Variants in OPRK1 observed in about 807,000 individuals in gnomAD.
OPRK1 encodes opioid receptor kappa 1.
Under a neutral mutation model 24.5 loss-of-function variants are expected in OPRK1, and 15 were observed. The ratio of observed to expected loss-of-function variants is 0.61; its 90% CI spans 0.41 to 0.94. OPRK1 has a LOEUF of 0.94. Among genes scored for constraint, OPRK1 ranks in the 40% least tolerant of loss-of-function variants. OPRK1 has a pLI of 0.00. For synonymous variants in OPRK1, 205 were observed against 198.0 expected, an observed-to-expected ratio of 1.04 and a Z score of -0.30; for missense variants, 479 against 507.3, an observed-to-expected ratio of 0.94 and a Z score of 0.54.
chr8:53,243,726 G>GA (rs1401583262), intron 2 of OPRK1, among the ~76,000 whole-genome samples: 1 of 152,192 alleles, frequency 6.6e-6, no homozygotes, highest in African/African-American at 2.4e-5. Flanking sequence ...ATAGTCTCTT[G>GA]AAAATAATTT....
intron 2 of OPRK1, among the ~76,000 whole-genome samples, chr8:53,240,366 T>C (rs1338710630): frequency 6.6e-6 from 1 of 152,142 alleles, no homozygotes; most frequent in African/African-American, 2.4e-5. Flanking sequence ...TAAAGGTCCA[T>C]AGAATGCACC....
Position 53,226,979 on chromosome 8 carries a change from C to T in OPRK1, c.*2318G>A, listed in dbSNP as rs1806708732. On this transcript the variant is annotated 3_prime_UTR_variant, in exon 4 of 4. Transcript: ENST00000265572. Reference sequence around the variant, plus strand: ...AAGTGCTAACTTAAAGGAAACAGGCCAGGCGTGGCCATTCACATCTGTAAT... The same window carrying T: ...AAGTGCTAACTTAAAGGAAACAGGCTAGGCGTGGCCATTCACATCTGTAAT... 6.6e-6 allele frequency: 1 copy of T among 152,182 alleles called. No homozygotes were observed. The allele number at this position is 152,182 out of a possible 1,614,324, so 9.4% of individuals were successfully genotyped here. A position where few individuals can be genotyped will look rare whatever the true frequency, so the allele number is the denominator to read the frequency against.
intron 3 of OPRK1, among the ~76,000 whole-genome samples, chr8:53,232,739 C>T (rs1806886297): frequency 6.6e-6 from 1 of 152,114 alleles, no homozygotes; most frequent in Admixed American, 6.5e-5. Flanking sequence ...TCATGGTTGT[C>T]ATAATTATAG....
At chr8:53,241,069 G>T (rs2128809465) in intron 2 of OPRK1, among the ~76,000 whole-genome samples, 1 of 152,304 alleles carries the variant, frequency 6.6e-6, no homozygotes, top group Non-Finnish European at 1.5e-5. Context: ...AGGCTCATCA[G>T]TCCCACAAAT....
intron 2 of OPRK1, among the ~76,000 whole-genome samples, chr8:53,241,943 T>G (rs944993868): frequency 7.2e-5 from 11 of 152,198 alleles, no homozygotes; most frequent in Non-Finnish European, 1.6e-4. Context: ...TGTGGAATCA[T>G]GCGCCTCTGG....
intron 3 of OPRK1, 71 bp from the exon 4 acceptor site, chr8:53,229,900 A>G: frequency 7.1e-7 from 1 of 1,400,310 alleles, no homozygotes; most frequent in Non-Finnish European, 9.6e-7. Context: ...AAAGTGTTTT[A>G]AATATGAATT....
At chr8:53,245,531 G>C (rs775270648) in intron 2 of OPRK1, among the ~76,000 whole-genome samples, 16 of 152,198 alleles carry the variant, frequency 1.1e-4, no homozygotes, top group Non-Finnish European at 2.2e-4. Context: ...GGAGGCTCTA[G>C]AAACCTGAGG....
chr8:53,251,188 G>T, intron 1 of OPRK1, 103 bp from the exon 2 acceptor site: 3 of 1,282,758 alleles, frequency 2.3e-6, no homozygotes, highest in South Asian at 1.7e-5. Flanking sequence ...CACCCGGGCC[G>T]CAAGTCGCCG....
chr8:53,228,830 GAACCCTGGAAA>G lies in OPRK1; in HGVS notation c.*456_*466del. The stretch of plus-strand genomic sequence containing the variant: ...ACACAGCATACAGTGAGCTGGGCAT[GAACCCTGGAAA>G]TAGTTCCCATTCCGTTGGAGGTTGT... On this transcript the variant is annotated 3_prime_UTR_variant, in exon 4 of 4. Coordinates refer to ENST00000265572, the MANE Select transcript of OPRK1 (RefSeq NM_000912.5). 2 of 159,930 alleles carry G rather than the reference GAACCCTGGAAA, an allele frequency of 1.3e-5. No individual in the cohort carries two copies. Among genetic ancestry groups the G allele is most frequent in the Admixed American group, 5.9e-5 (1 of 16,810 alleles). 9.9% of individuals were successfully genotyped at this position (159,930 alleles called of 1,614,324 possible).
intron 2 of OPRK1, among the ~76,000 whole-genome samples, chr8:53,240,490 G>A (rs1807089514): frequency 6.6e-6 from 1 of 152,166 alleles, no homozygotes; most frequent in Non-Finnish European, 1.5e-5. Context: ...AGAGGCCCAA[G>A]ACACCAAACT....
chr8:53,234,759 C>G lies in OPRK1; in HGVS notation c.610G>C (p.Asp204His), dbSNP rs200377155. The stretch of plus-strand genomic sequence containing the variant: ...AACAGAATGAAATGACTGCTCTTAC[C>G]TTCCCTGACTTTGGTGCCTCCAAGG... ...IVLGGTKVREDVDVIECSLQF... is the reference protein window; with the variant it reads ...IVLGGTKVREHVDVIECSLQF... Residue 204 changes from aspartate to histidine, a missense_variant and splice_region_variant, in exon 3 of 4, where the codon GAC (aspartate) becomes CAC (histidine). Coordinates refer to ENST00000265572, the MANE Select transcript of OPRK1 (RefSeq NM_000912.5). The G allele has an allele frequency of 6.2e-6, 10 of 1,606,988 alleles. No homozygotes were observed. The Middle Eastern group carries it at 1.2e-3, about 186-fold the overall frequency.
chr8:53,229,324 G>T lies in OPRK1; in HGVS notation c.1116C>A (p.Asp372Glu). 3 of 1,613,982 alleles carry T rather than the reference G, an allele frequency of 1.9e-6. No individual in the cohort carries two copies. Among genetic ancestry groups the T allele is most frequent in the Non-Finnish European group, 2.5e-6 (3 of 1,179,880 alleles). The change falls in exon 4 of 4, where the codon GAC (aspartate) becomes GAA (glutamate). Residue 372 changes from aspartate to glutamate, a missense_variant. Physicochemically the swap from Asp to Glu is conservative, Grantham distance 45. Transcript: ENST00000265572. ...NTVQDPAYLRDIDGMNKPV is the reference protein window; with the variant it reads ...NTVQDPAYLREIDGMNKPV ...ATACTGGTTTATTCATCCCATCGAT[G>T]TCCCTCAGGTAAGCAGGATCCTGAA... is the stretch of plus-strand genomic sequence containing the variant.
intron 2 of OPRK1, among the ~76,000 whole-genome samples, chr8:53,247,382 T>G (rs2128810403): frequency 6.6e-6 from 1 of 152,346 alleles, no homozygotes; most frequent in South Asian, 2.1e-4. Context: ...CGCTTTAGTT[T>G]CCTCATCTGT....
rs1384079448 is a variant in OPRK1 at position 53,251,000 on chromosome 8, C to T, written c.38G>A (p.Gly13Asp). Residue 13 changes from glycine to aspartate, a missense_variant, in exon 2 of 4, where the codon GGC (glycine) becomes GAC (aspartate). Gly to Asp is a moderately conservative substitution (Grantham distance 94, BLOSUM62 -1). Coordinates refer to ENST00000265572, the MANE Select transcript of OPRK1 (RefSeq NM_000912.5). The part of the protein sequence containing the change: ...SPIQIFRGEP[G>D]PTCAPSACLP... ...GCAGGCGCTCGGGGCGCAGGTAGGGCCCGGCTCCCCGCGGAAGATCTGGAT... is the reference window on the plus strand; with the variant it reads ...GCAGGCGCTCGGGGCGCAGGTAGGGTCCGGCTCCCCGCGGAAGATCTGGAT... 3.8e-6 allele frequency: 6 copies of T among 1,577,296 alleles called. No homozygotes were observed. The East Asian group carries it at 1.4e-4, about 36-fold the overall frequency.
intron 2 of OPRK1, among the ~76,000 whole-genome samples, chr8:53,237,459 A>G (rs1382349989): frequency 6.6e-6 from 1 of 152,172 alleles, no homozygotes; most frequent in East Asian, 1.9e-4. Context: ...TCTCAGAGAG[A>G]TGAGTACAGG....
chr8:53,227,564 T>C lies in OPRK1; in HGVS notation c.*1733A>G, dbSNP rs1355490181. On this transcript the variant is annotated 3_prime_UTR_variant, in exon 4 of 4. Coordinates refer to ENST00000265572, the MANE Select transcript of OPRK1 (RefSeq NM_000912.5). ...TCAGTTATAAAAATACAAGGGCAGA[T>C]AGGAATCTCAATAAAACAAGAAATA... 2 of 152,186 alleles carry C rather than the reference T, an allele frequency of 1.3e-5. No homozygotes were observed. The highest frequency in any genetic ancestry group is 4.8e-5 in the African/African-American group (2 of 41,442). 9.4% of individuals were successfully genotyped at this position (152,186 alleles called of 1,614,324 possible).
rs774270828 is a variant in OPRK1 at position 53,229,284 on chromosome 8, T to A, written c.*13A>T. On this transcript the variant is annotated 3_prime_UTR_variant, in exon 4 of 4. Coordinates refer to ENST00000265572, the MANE Select transcript of OPRK1 (RefSeq NM_000912.5). Reference sequence around the variant, plus strand: ...CTTCCCGAAGAACTGTACGAAGACATCTCCACGACTAGTCATACTGGTTTA... The same window carrying A: ...CTTCCCGAAGAACTGTACGAAGACAACTCCACGACTAGTCATACTGGTTTA... 2.5e-6 allele frequency: 4 copies of A among 1,604,928 alleles called. No individual in the cohort carries two copies. The highest frequency in any genetic ancestry group is 2.6e-6 in the Non-Finnish European group (3 of 1,174,390).
At position 53,250,764 on chromosome 8, in the gene OPRK1, G is replaced by C. The variant is rs201708873; in HGVS notation, c.257+17C>G. 7.9e-5 allele frequency: 126 copies of C among 1,592,086 alleles called. No homozygotes were observed. Among genetic ancestry groups the C allele is most frequent in the Non-Finnish European group, 1.0e-4 (118 of 1,168,002 alleles). On this transcript the variant is annotated intron_variant, in intron 2 of 3. Transcript: ENST00000265572. The stretch of plus-strand genomic sequence containing the variant: ...TGCCCCGCCCAGCCCCCAGCGCTGC[G>C]CTGTCCCCGCGCTCACCGGATGATC...
Position 53,229,318 on chromosome 8 carries a change from A to G in OPRK1, c.1122T>C (p.Asp374=), listed in dbSNP as rs1289096022. 3 of 1,613,834 alleles carry G rather than the reference A, an allele frequency of 1.9e-6. No homozygotes were observed. Among genetic ancestry groups the G allele is most frequent in the Non-Finnish European group, 2.5e-6 (3 of 1,179,868 alleles). Residue 374 remains aspartate, a synonymous_variant, in exon 4 of 4, where the codon GAT becomes GAC. Transcript: ENST00000265572. ...VQDPAYLRDI[D]GMNKPV ...CTAGTCATACTGGTTTATTCATCCC[A>G]TCGATGTCCCTCAGGTAAGCAGGAT...
Sources: gnomAD v4.1 joint callset for allele counts (sites outside exome capture counted in the v4.1 genomes callset) on GRCh38, gnomAD v4.1.1 for gene constraint, MANE v1.5 for transcripts, NCBI Gene and HGNC (gene_info 2026-07-23, HGNC 2026-07-21) for gene names.